Variants in MAPKAPK5 observed in about 807,000 individuals in gnomAD.
MAPKAPK5 encodes the protein MAP kinase-activated protein kinase 5.
In MAPKAPK5, 30 loss-of-function variants were observed where a neutral mutation model predicts 65.1. That is an observed-to-expected ratio of 0.46 (90% confidence interval 0.34 to 0.63). MAPKAPK5 has a LOEUF of 0.63. MAPKAPK5 is among the 20% of genes least tolerant of loss of function. The pLI is 0.01. For missense variants in MAPKAPK5, 433 were observed against 581.4 expected (o/e 0.74, Z 2.63); for synonymous variants, 179 against 204.6 (o/e 0.87, Z 1.07).
chr12:111,843,401 C>G (rs2068795500), intron 1 of MAPKAPK5: 4 of 395,106 alleles, frequency 1.0e-5, no homozygotes, highest in Non-Finnish European at 1.3e-5. Context: ...GAAAATTACA[C>G]AAATAAAATA....
Position 111,888,918 on chromosome 12 carries a change from C to T in MAPKAPK5, c.1134C>T (p.Asp378=), listed in dbSNP as rs1566277160. Residue 378 remains aspartate (D), a synonymous_variant, in exon 12 of 14, where the codon GAC becomes GAT. Coordinates refer to ENST00000550735, the MANE Select transcript of MAPKAPK5 (RefSeq NM_003668.4). The part of the protein sequence containing the change: ...TKPKDSVYIH[D]HENGAEDSNV... ...CAAAGGACAGTGTCTATATCCACGACCATGAGAATGGAGCCGAGGATTCCA... is the reference window on the plus strand; with the variant it reads ...CAAAGGACAGTGTCTATATCCACGATCATGAGAATGGAGCCGAGGATTCCA... The T allele has an allele frequency of 1.9e-6, 3 of 1,613,656 alleles. No homozygotes were observed. Among genetic ancestry groups the T allele is most frequent in the Non-Finnish European group, 2.5e-6 (3 of 1,179,790 alleles).
Position 111,900,925 on chromosome 12 carries a change from A to G in MAPKAPK5, c.*7864A>G, listed in dbSNP as rs779553567. On this transcript the variant is annotated 3_prime_UTR_variant, in exon 14 of 14. Transcript: ENST00000550735. ...TATGGTGCAAAATCAGCCTCACAAG[A>G]GTGTTACAATTCAATGAACAGCAAA... is the stretch of plus-strand genomic sequence containing the variant. 4 of 448,782 alleles carry G rather than the reference A, an allele frequency of 8.9e-6. No homozygotes were observed. The highest frequency in any genetic ancestry group is 7.1e-5 in the East Asian group (1 of 14,072). The allele number at this position is 448,782 out of a possible 1,614,324, so 27.8% of individuals were successfully genotyped here.
intron 2 of MAPKAPK5, among the ~76,000 whole-genome samples, 190 bp from the exon 3 acceptor site, chr12:111,865,964 CTG>C: frequency 6.6e-6 from 1 of 152,060 alleles, no homozygotes; most frequent in Admixed American, 6.6e-5. Context: ...AAGCTGAGGC[CTG>C]AGCATTGGCT....
chr12:111,889,937 C>A, intron 12 of MAPKAPK5, 103 bp from the exon 13 acceptor site: 1 of 713,362 alleles, frequency 1.4e-6, no homozygotes, highest in South Asian at 1.7e-5. Context: ...CACATTCAGT[C>A]AACATTTTTC....
intron 7 of MAPKAPK5, among the ~76,000 whole-genome samples, chr12:111,878,481 C>T (rs1225320973): frequency 1.3e-5 from 2 of 151,886 alleles, no homozygotes; most frequent in South Asian, 2.1e-4. Context: ...AGTGCAGTGG[C>T]GGATCTCAGC....
chr12:111,866,558 G>C (rs1244443473), intron 3 of MAPKAPK5, among the ~76,000 whole-genome samples: 2 of 152,214 alleles, frequency 1.3e-5, no homozygotes, highest in African/African-American at 4.8e-5. Context: ...GGAAGAGTCA[G>C]GTGAATGGTG....
intron 7 of MAPKAPK5, among the ~76,000 whole-genome samples, chr12:111,877,995 TCTGA>T (rs982986948): frequency 2.7e-5 from 4 of 148,970 alleles, no homozygotes; most frequent in Admixed American, 1.3e-4. Flanking sequence ...TCCAGCTGAC[TCTGA>T]CTCTTTTTTT....
Position 111,901,174 on chromosome 12 carries a change from A to C in MAPKAPK5, c.*8113A>C, listed in dbSNP as rs2071039516. On this transcript the variant is annotated 3_prime_UTR_variant, in exon 14 of 14. Transcript: ENST00000550735. Reference sequence around the variant, plus strand: ...GACATTCCTGATGAAGGAGATGTGCACAATGGCACTTACTGTGCACCAAAC... The same window carrying C: ...GACATTCCTGATGAAGGAGATGTGCCCAATGGCACTTACTGTGCACCAAAC... 2.2e-6 allele frequency: 1 copy of C among 454,166 alleles called. No individual in the cohort carries two copies. The highest frequency in any genetic ancestry group is 4.4e-6 in the Non-Finnish European group (1 of 226,282). 28.1% of individuals were successfully genotyped at this position (454,166 alleles called of 1,614,324 possible).
Position 111,893,605 on chromosome 12 carries a change from G to T in MAPKAPK5, c.*544G>T, listed in dbSNP as rs576157593. ...AGGGAGGTGAGCCCTCATTTCTCCT[G>T]CCCCCTAATTCCCAAGAGAAAAGCA... On this transcript the variant is annotated 3_prime_UTR_variant, in exon 14 of 14. Transcript: ENST00000550735. 1 of 152,294 alleles carries T rather than the reference G, an allele frequency of 6.6e-6. No individual in the cohort carries two copies. Among genetic ancestry groups the T allele is most frequent in the Non-Finnish European group, 1.5e-5 (1 of 68,088 alleles). 9.4% of individuals were successfully genotyped at this position (152,294 alleles called of 1,614,324 possible).
intron 7 of MAPKAPK5, among the ~76,000 whole-genome samples, chr12:111,872,083 G>A (rs2069802735): frequency 6.6e-6 from 1 of 152,102 alleles, no homozygotes; most frequent in Non-Finnish European, 1.5e-5. Flanking sequence ...TCCATTCACT[G>A]ACAGGATTTT....
intron 5 of MAPKAPK5, among the ~76,000 whole-genome samples, chr12:111,870,039 G>C (rs963178859): frequency 5.3e-5 from 8 of 152,176 alleles, no homozygotes; most frequent in African/African-American, 1.9e-4. Context: ...ACAAAGAATT[G>C]CTGTACCATC....
intron 10 of MAPKAPK5, among the ~76,000 whole-genome samples, chr12:111,887,035 G>A (rs532635217): frequency 6.6e-6 from 1 of 152,240 alleles, no homozygotes; most frequent in South Asian, 2.1e-4. Context: ...TGGGTGAGAG[G>A]GAGTCTTTTA....
chr12:111,873,064 T>C (rs1405073556), intron 7 of MAPKAPK5, among the ~76,000 whole-genome samples: 1 of 148,600 alleles, frequency 6.7e-6, no homozygotes, highest in Non-Finnish European at 1.5e-5. Context: ...TGTTTCACCA[T>C]TTTTTTTTTA....
In MAPKAPK5 at chr12:111,842,580, G is replaced by T; in HGVS notation, c.-154G>T. On this transcript the variant is annotated 5_prime_UTR_variant, in exon 1 of 14. Transcript: ENST00000550735. ...CGCCCGCCGAAGCAGAGCCGGCGCC[G>T]GGGTCCTCATCCCCACCGGTCCCGA... is the stretch of plus-strand genomic sequence containing the variant. The T allele has an allele frequency of 2.3e-6, 1 of 435,558 alleles. No individual in the cohort carries two copies. The allele number at this position is 435,558 out of a possible 1,614,324, so 27.0% of individuals were successfully genotyped here.
chr12:111,847,330 A>G, intron 1 of MAPKAPK5, among the ~76,000 whole-genome samples: 1 of 145,276 alleles, frequency 6.9e-6, no homozygotes, highest in Non-Finnish European at 1.5e-5. Flanking sequence ...CCTGGGCGAC[A>G]GGGTGAGACT....
rs901202913 is a variant in MAPKAPK5, at chr12:111,892,469, G to A, written c.1322-498G>A. 3.3e-5 allele frequency among the ~76,000 whole-genome samples: 5 copies of A among 152,194 alleles called. No homozygotes were observed. The South Asian group carries it at 6.2e-4, about 19-fold the overall frequency. ...GCTATTGTCTTTTTAAAAAATCTTC[G>A]TTATCCTGGTTAGTTTGTAGGTGGT... On this transcript the variant is annotated intron_variant, in intron 13 of 13. Transcript: ENST00000550735.
intron 7 of MAPKAPK5, chr12:111,879,943 T>A (rs569869319): frequency 1.1e-4 from 20 of 184,492 alleles, no homozygotes; most frequent in African/African-American, 4.4e-4. Flanking sequence ...CAAGGAACAG[T>A]GTGGGGCTGC....
chr12:111,866,064 T>G (rs923642240), intron 2 of MAPKAPK5, 92 bp from the exon 3 acceptor site: 1 of 1,030,318 alleles, frequency 9.7e-7, no homozygotes, highest in Non-Finnish European at 1.4e-6. Context: ...ATATCCTTGA[T>G]GAGAAGTACA....
chr12:111,889,121 C>A, intron 12 of MAPKAPK5, 121 bp downstream of exon 12: 1 of 1,136,458 alleles, frequency 8.8e-7, no homozygotes, highest in Non-Finnish European at 1.2e-6. Context: ...TCTGTTTCAT[C>A]TTGTGTTATA....
Sources: allele counts gnomAD v4.1 joint callset (sites outside exome capture counted in the v4.1 genomes callset), GRCh38; gene constraint gnomAD v4.1.1; transcripts MANE v1.5; gene names NCBI Gene and HGNC (gene_info 2026-07-23, HGNC 2026-07-21).